Variants in KCNB2 observed in about 807,000 individuals in gnomAD.
KCNB2 encodes the protein potassium voltage-gated channel subfamily B member 2.
A neutral mutation model predicts 61.5 loss-of-function variants in KCNB2; 15 were observed. The observed-to-expected ratio is 0.24, with a 90% CI of 0.16 to 0.38. The LOEUF (loss-of-function observed/expected upper bound fraction) is 0.38. Among genes scored for constraint, KCNB2 ranks in the 10% least tolerant of loss-of-function variants. The probability of loss-of-function intolerance (pLI) is 1.00; values close to 1 mark genes in which losing one functional copy is unlikely to be tolerated. For synonymous variants in KCNB2, 457 were observed against 446.0 expected, an observed-to-expected ratio of 1.02 and a Z score of -0.31; for missense variants, 828 against 1,125.2, an observed-to-expected ratio of 0.74 and a Z score of 3.78.
intron 2 of KCNB2, among the ~76,000 whole-genome samples, chr8:72,684,733 A>G (rs1463871063): frequency 6.6e-6 from 1 of 152,220 alleles, no homozygotes; most frequent in East Asian, 1.9e-4. Flanking sequence ...AAAACAGACT[A>G]TCACTAGGAG....
chr8:72,838,568 A>G (rs1229364838), intron 2 of KCNB2, among the ~76,000 whole-genome samples: 1 of 152,172 alleles, frequency 6.6e-6, no homozygotes, highest in Non-Finnish European at 1.5e-5. Context: ...GCCGCAATAA[A>G]CATACGTGTG....
intron 2 of KCNB2, among the ~76,000 whole-genome samples, chr8:72,904,634 T>C: frequency 6.6e-6 from 1 of 152,234 alleles, no homozygotes; most frequent in South Asian, 2.1e-4. Context: ...CTAAGTAGAT[T>C]TGGTGTTTAA....
chr8:72,817,970 A>G (rs1024768366), intron 2 of KCNB2, among the ~76,000 whole-genome samples: 3 of 152,208 alleles, frequency 2.0e-5, no homozygotes, highest in Non-Finnish European at 2.9e-5. Context: ...TCAAATGGGA[A>G]ATCTGAGTTG....
chr8:72,726,957 T>C (rs1176029638), intron 2 of KCNB2, among the ~76,000 whole-genome samples: 2 of 152,174 alleles, frequency 1.3e-5, no homozygotes, highest in Non-Finnish European at 2.9e-5. Flanking sequence ...AGAGCTCTGA[T>C]AGCAACGTGA....
chr8:72,771,421 T>C (rs1435815721), intron 2 of KCNB2, among the ~76,000 whole-genome samples: 2 of 152,202 alleles, frequency 1.3e-5, no homozygotes, highest in East Asian at 1.9e-4. Context: ...AAATTGTATT[T>C]TATTAAATGA....
intron 1 of KCNB2, among the ~76,000 whole-genome samples, chr8:72,556,251 T>C (rs1170803539): frequency 1.3e-5 from 2 of 152,296 alleles, no homozygotes; most frequent in African/African-American, 4.8e-5. Context: ...TAGCAGTAAA[T>C]TTAACATCCT....
At chr8:72,565,829 G>A (rs1343527565) in intron 1 of KCNB2, among the ~76,000 whole-genome samples, 6 of 152,144 alleles carry the variant, frequency 3.9e-5, no homozygotes, top group African/African-American at 1.4e-4. Context: ...TTAAAGAATG[G>A]ATTAACTGTT....
intron 2 of KCNB2, among the ~76,000 whole-genome samples, chr8:72,859,707 G>GTTTTTTTTT (rs1187550622): frequency 4.8e-5 from 2 of 42,006 alleles, no homozygotes; most frequent in East Asian, 5.8e-4. Context: ...ACTTCATTTC[G>GTTTTTTTTT]TTTTTTTTTT....
At chr8:72,816,334 A>G (rs943102478) in intron 2 of KCNB2, among the ~76,000 whole-genome samples, 2 of 152,202 alleles carry the variant, frequency 1.3e-5, no homozygotes, top group Admixed American at 1.3e-4. Context: ...TTATTTTAAC[A>G]ACATTTACAA....
chr8:72,725,993 A>C (rs1042965062), intron 2 of KCNB2, among the ~76,000 whole-genome samples: 1 of 152,192 alleles, frequency 6.6e-6, no homozygotes. Flanking sequence ...TCACAACTTT[A>C]TTATACTACT....
At position 72,840,852 on chromosome 8, in the gene KCNB2, T is replaced by C. The variant is rs551243096; in HGVS notation, c.580-95083T>C. 3.9e-5 allele frequency among the ~76,000 whole-genome samples: 6 copies of C among 152,300 alleles called. No individual in the cohort carries two copies. In the South Asian group the frequency reaches 1.2e-3, roughly 32 times the overall value. ...CAAAAATTTTCTCCTATTCTGTAGG[T>C]TGCCTGTTCACTCTGATGATACATT... is the stretch of plus-strand genomic sequence containing the variant. On this transcript the variant is annotated intron_variant, in intron 2 of 2. Coordinates refer to ENST00000523207, the MANE Select transcript of KCNB2 (RefSeq NM_004770.3).
At chr8:72,617,121 G>T (rs1805631540) in intron 2 of KCNB2, among the ~76,000 whole-genome samples, 1 of 152,144 alleles carries the variant, frequency 6.6e-6, no homozygotes, top group Non-Finnish European at 1.5e-5. Flanking sequence ...AGGGTCAGGG[G>T]GAAATGGTCT....
chr8:72,657,132 G>A (rs1380510596), intron 2 of KCNB2, among the ~76,000 whole-genome samples: 1 of 152,120 alleles, frequency 6.6e-6, no homozygotes, highest in Non-Finnish European at 1.5e-5. Flanking sequence ...GGTAGGCACA[G>A]TGCAAACTAC....
chr8:72,731,725 A>G (rs1807740741), intron 2 of KCNB2, among the ~76,000 whole-genome samples: 1 of 152,244 alleles, frequency 6.6e-6, no homozygotes, highest in African/African-American at 2.4e-5. Flanking sequence ...ACAATGAGAA[A>G]TGAAGAGGAG....
At chr8:72,693,839 G>C (rs944911454) in intron 2 of KCNB2, among the ~76,000 whole-genome samples, 1 of 152,116 alleles carries the variant, frequency 6.6e-6, no homozygotes, top group African/African-American at 2.4e-5. Context: ...TATCAACCCT[G>C]CTTATCTAAA....
intron 2 of KCNB2, among the ~76,000 whole-genome samples, chr8:72,678,109 T>G (rs1806691760): frequency 6.6e-6 from 1 of 152,192 alleles, no homozygotes; most frequent in African/African-American, 2.4e-5. Context: ...GGACACATCC[T>G]TAGCCCTCCT....
rs138203321 is a variant in KCNB2, at chr8:72,830,763, G to T, written c.580-105172G>T. ...AATCAACACCTGGTCTCTTGGTTTT[G>T]AATGCCATTTTAACCTCACCCAGGT... On this transcript the variant is annotated intron_variant, in intron 2 of 2. Transcript: ENST00000523207. 7.6e-3 allele frequency among the ~76,000 whole-genome samples: 1,156 copies of T among 152,254 alleles called. 13 individuals carry two copies. The highest frequency in any genetic ancestry group is 0.026 in the African/African-American group (1,090 of 41,552).
In KCNB2 at chr8:72,620,733, C is replaced by T. The variant is rs569355382; in HGVS notation, c.579+52420C>T. Among the ~76,000 whole-genome samples the T allele has an allele frequency of 5.2e-3, 798 of 152,156 alleles. 9 individuals carry two copies. Among genetic ancestry groups the T allele is most frequent in the African/African-American group, 0.018 (767 of 41,520 alleles). ...AAGTGATTCTCCTGCCTCAGCCTCC[C>T]GAGTAGCTGAGATTACAGGTGCCTG... On this transcript the variant is annotated intron_variant, in intron 2 of 2. Transcript: ENST00000523207.
At chr8:72,628,460 G>A (rs1805829468) in intron 2 of KCNB2, among the ~76,000 whole-genome samples, 1 of 149,796 alleles carries the variant, frequency 6.7e-6, no homozygotes, top group South Asian at 2.1e-4. Flanking sequence ...GCACTTAAAG[G>A]GGTAGCTGAT....
Sources: gnomAD v4.1 joint callset for allele counts (sites outside exome capture counted in the v4.1 genomes callset) on GRCh38, gnomAD v4.1.1 for gene constraint, MANE v1.5 for transcripts, NCBI Gene and HGNC (gene_info 2026-07-23, HGNC 2026-07-21) for gene names.